SCAPER: variants seen among roughly 807,000 people sequenced by gnomAD.
The protein encoded by SCAPER is S phase cyclin A-associated protein in the endoplasmic reticulum.
SCAPER carries 98 observed loss-of-function variants against 182.2 expected under a neutral mutation model. The observed-to-expected ratio is 0.54, with a 90% CI of 0.46 to 0.64. SCAPER has a LOEUF of 0.64. Among genes scored for constraint, SCAPER ranks in the 30% least tolerant of loss-of-function variants. The probability of loss-of-function intolerance (pLI) is 0.00; values close to 1 mark genes in which losing one functional copy is unlikely to be tolerated. For missense variants in SCAPER, 1,432 were observed against 1,690.0 expected (o/e 0.85, Z 2.68); for synonymous variants, 605 against 564.6 (o/e 1.07, Z -1.01).
chr15:76,833,903 T>C (rs2068720974), intron 5 of SCAPER, among the ~76,000 whole-genome samples: 1 of 152,124 alleles, frequency 6.6e-6, no homozygotes, highest in South Asian at 2.1e-4. Context: ...TAACCACACA[T>C]AACAATAGAA....
intron 17 of SCAPER, 132 bp downstream of exon 17, chr15:76,728,463 G>A (rs570900387): frequency 4.2e-6 from 5 of 1,195,312 alleles, no homozygotes; most frequent in East Asian, 4.7e-5. Flanking sequence ...GAGTCAGAGA[G>A]TTCAAGATCA....
At position 76,404,676 on chromosome 15, in the gene SCAPER, G is replaced by A. The variant is rs372361263; in HGVS notation, c.3315C>T (p.Tyr1105=). The change falls in exon 27 of 32, where the codon TAC becomes TAT. Residue 1105 remains tyrosine, a synonymous_variant. Transcript: ENST00000563290. ...TGTCAATCAGACCCATGTTCACCAC[G>A]TAGCTAGATATGGGGGAGAAATGCA... ...FNNRVQDLIS[Y]VVNMGLIDKL... is the part of the protein sequence containing the mutation. 3.0e-5 allele frequency: 48 copies of A among 1,609,712 alleles called. No individual in the cohort carries two copies. The highest frequency in any genetic ancestry group is 1.6e-4 in the Middle Eastern group (1 of 6,066).
chr15:76,487,363 T>A (rs1178576595), intron 24 of SCAPER, among the ~76,000 whole-genome samples: 1 of 14,436 alleles, frequency 6.9e-5, no homozygotes, highest in Non-Finnish European at 1.3e-4. Flanking sequence ...TTCCAGGGGT[T>A]GGGTGGGTGG....
intron 20 of SCAPER, among the ~76,000 whole-genome samples, chr15:76,673,989 A>ACC (rs1555528438): frequency 1.2e-4 from 17 of 143,428 alleles, no homozygotes; most frequent in Middle Eastern, 3.7e-3. Context: ...ACACACACAC[A>ACC]CCCCAATCAG....
chr15:76,562,779 T>C (rs2046743461), intron 23 of SCAPER, among the ~76,000 whole-genome samples: 1 of 152,288 alleles, frequency 6.6e-6, no homozygotes. Flanking sequence ...GAGAAATTTT[T>C]GCACAAATAC....
In SCAPER at chr15:76,421,116, A is replaced by T. The variant is rs551611907; in HGVS notation, c.3311+12962T>A. ...GTGTCTTTATAGCAGCATGATTTAT[A>T]ATCCTTTGGGTATATACCCAGTAAT... is the stretch of plus-strand genomic sequence containing the variant. On this transcript the variant is annotated intron_variant, in intron 26 of 31. Coordinates refer to ENST00000563290, the MANE Select transcript of SCAPER (RefSeq NM_020843.4). Among the ~76,000 whole-genome samples the T allele has an allele frequency of 8.3e-3, 1,270 of 152,310 alleles. 13 individuals are homozygous for T. The highest frequency in any genetic ancestry group is 0.029 in the African/African-American group (1,206 of 41,556).
intron 21 of SCAPER, among the ~76,000 whole-genome samples, chr15:76,646,437 G>A (rs1384632541): frequency 6.6e-6 from 1 of 152,160 alleles, no homozygotes; most frequent in Non-Finnish European, 1.5e-5. Context: ...CTATTATACA[G>A]TGAAAAACTA....
intron 22 of SCAPER, among the ~76,000 whole-genome samples, chr15:76,612,367 A>T (rs902039569): frequency 1.3e-5 from 2 of 152,112 alleles, no homozygotes; most frequent in African/African-American, 4.8e-5. Flanking sequence ...CCTCCCGAGT[A>T]GCTGAACTAC....
At chr15:76,438,294 A>G (rs1326485265) in intron 25 of SCAPER, among the ~76,000 whole-genome samples, 1 of 151,632 alleles carries the variant, frequency 6.6e-6, no homozygotes, top group Non-Finnish European at 1.5e-5. Context: ...AAAAAAAAAA[A>G]AAAAATTTAA....
chr15:76,781,451 T>C (rs1240584977), intron 8 of SCAPER, among the ~76,000 whole-genome samples: 3 of 152,180 alleles, frequency 2.0e-5, no homozygotes, highest in Non-Finnish European at 4.4e-5. Flanking sequence ...TGGAACCAAG[T>C]TGGAAAACAC....
intron 23 of SCAPER, among the ~76,000 whole-genome samples, chr15:76,521,695 A>T (rs764891721): frequency 2.6e-5 from 4 of 152,214 alleles, no homozygotes; most frequent in Non-Finnish European, 4.4e-5. Context: ...ACTGACTTCT[A>T]CATATTCCTC....
intron 4 of SCAPER, among the ~76,000 whole-genome samples, chr15:76,852,557 C>T (rs2070864815): frequency 6.6e-6 from 1 of 152,066 alleles, no homozygotes; most frequent in African/African-American, 2.4e-5. Context: ...CCATGCAACA[C>T]ATGAAACTAA....
chr15:76,526,411 T>C (rs969900084), intron 23 of SCAPER, among the ~76,000 whole-genome samples: 4 of 152,328 alleles, frequency 2.6e-5, no homozygotes, highest in African/African-American at 7.2e-5. Flanking sequence ...TATTTTCTTC[T>C]TCTCTTTGAT....
chr15:76,627,360 T>C (rs1277200598), intron 21 of SCAPER, among the ~76,000 whole-genome samples: 1 of 152,042 alleles, frequency 6.6e-6, no homozygotes, highest in African/African-American at 2.4e-5. Context: ...AATCTTTTTT[T>C]CCATGGGGGT....
At position 76,571,551 on chromosome 15, in the gene SCAPER, A is replaced by T. The variant is rs577868050; in HGVS notation, c.2838+2607T>A. On this transcript the variant is annotated intron_variant, in intron 23 of 31. Transcript: ENST00000563290. Reference sequence around the variant, plus strand: ...TCACAAGTTTAACCCGTTAGGTCTAAAATAGTTCTCAGAACTTTAGAAAAA... The same window carrying T: ...TCACAAGTTTAACCCGTTAGGTCTATAATAGTTCTCAGAACTTTAGAAAAA... Among the ~76,000 whole-genome samples, 15 of 152,306 alleles carry T rather than the reference A, an allele frequency of 9.8e-5. 1 individual carries two copies. The East Asian group carries it at 2.5e-3, about 25-fold the overall frequency.
intron 4 of SCAPER, among the ~76,000 whole-genome samples, chr15:76,848,498 T>TA (rs557356424): frequency 1.4e-3 from 214 of 151,680 alleles, no homozygotes; most frequent in African/African-American, 4.8e-3. Context: ...CATACCCAGT[T>TA]AATTTTTTTG....
intron 24 of SCAPER, among the ~76,000 whole-genome samples, chr15:76,504,133 C>CT (rs1414455628): frequency 1.3e-5 from 2 of 152,138 alleles, no homozygotes; most frequent in African/African-American, 4.8e-5. Flanking sequence ...AGTGATCCTC[C>CT]TGCCTTGACC....
chr15:76,629,589 C>G lies in SCAPER; in HGVS notation c.2646-7760G>C, dbSNP rs149350109. Among the ~76,000 whole-genome samples the G allele has an allele frequency of 1.0e-2, 1,518 of 152,282 alleles. 18 individuals are homozygous for G. The highest frequency in any genetic ancestry group is 0.035 in the African/African-American group (1,442 of 41,528). ...ACTGATTTGCATATGTTGAAGCAGC[C>G]TTGCATCCCAGGGATGAAGCCAACT... On this transcript the variant is annotated intron_variant, in intron 21 of 31. Transcript: ENST00000563290.
At chr15:76,473,251 C>T (rs2050337328) in intron 24 of SCAPER, among the ~76,000 whole-genome samples, 1 of 152,134 alleles carries the variant, frequency 6.6e-6, no homozygotes, top group Non-Finnish European at 1.5e-5. Flanking sequence ...TTTGCTAGTC[C>T]ATTGAAGAAG....
Sources: gnomAD v4.1 joint callset for allele counts (sites outside exome capture counted in the v4.1 genomes callset) on GRCh38, gnomAD v4.1.1 for gene constraint, MANE v1.5 for transcripts, NCBI Gene and HGNC (gene_info 2026-07-23, HGNC 2026-07-21) for gene names.